Variants in ADAMTS16 observed in about 807,000 individuals in gnomAD.
ADAMTS16 encodes ADAM metallopeptidase with thrombospondin type 1 motif 16.
In ADAMTS16, 94 loss-of-function variants were observed where a neutral mutation model predicts 145.8. That is an observed-to-expected ratio of 0.64 (90% CI 0.55 to 0.77). The LOEUF is 0.77. Ranked by LOEUF, ADAMTS16 falls within the 30% of genes least tolerant of loss-of-function variation. The probability of loss-of-function intolerance (pLI) is 0.00; values close to 1 mark genes in which losing one functional copy is unlikely to be tolerated. For missense variants in ADAMTS16, 1,585 were observed against 1,591.5 expected, an observed-to-expected ratio of 1.00 and a Z score of 0.07; for synonymous variants, 659 against 604.3, an observed-to-expected ratio of 1.09 and a Z score of -1.33.
At chr5:5,229,700 T>C (rs1331122117) in intron 11 of ADAMTS16, among the ~76,000 whole-genome samples, 2 of 152,218 alleles carry the variant, frequency 1.3e-5, no homozygotes, top group African/African-American at 2.4e-5. Context: ...GACATTAGCA[T>C]ATTTTTCTTT....
At chr5:5,221,841 T>G (rs1328106764) in intron 10 of ADAMTS16, among the ~76,000 whole-genome samples, 4 of 152,360 alleles carry the variant, frequency 2.6e-5, no homozygotes, top group African/African-American at 9.6e-5. Flanking sequence ...TCTTCCCAGC[T>G]GCACTACGTC....
At position 5,232,502 on chromosome 5, in the gene ADAMTS16, C is replaced by T. The variant is rs768599908; in HGVS notation, c.1836C>T (p.Leu612=). Residue 612 remains leucine, a synonymous_variant, in exon 12 of 23, where the codon CTC becomes CTT. Coordinates refer to ENST00000274181, the MANE Select transcript of ADAMTS16 (RefSeq NM_139056.4). ...CGGGVSHRSR[L]CTNPKPSHGG... ...GGGGAGTATCTCATAGGAGTCGCCT[C>T]TGCACCAACCCCAAGTAAGTATGCC... 5.0e-6 allele frequency: 8 copies of T among 1,613,392 alleles called. No individual in the cohort carries two copies. In the East Asian group the frequency reaches 6.7e-5, roughly 13 times the overall value.
rs1445926170 is a variant in ADAMTS16 at position 5,232,464 on chromosome 5, A to G, written c.1798A>G (p.Arg600Gly). The change falls in exon 12 of 23, where the codon AGG becomes GGG. Residue 600 changes from arginine (R) to glycine (G), a missense_variant. Transcript: ENST00000274181. Reference protein sequence around the residue: ...SDWSSWSPCSRTCGGGVSHRS... With the variant: ...SDWSSWSPCSGTCGGGVSHRS... ...CTGGTCTTCTTGGTCCCCATGCTCC[A>G]GGACCTGCGGAGGGGGAGTATCTCA... 1 of 1,613,986 alleles carries G rather than the reference A, an allele frequency of 6.2e-7. No individual in the cohort carries two copies. Among genetic ancestry groups the G allele is most frequent in the African/African-American group, 1.3e-5 (1 of 74,892 alleles).
intron 3 of ADAMTS16, among the ~76,000 whole-genome samples, chr5:5,168,747 A>G (rs1475231620): frequency 7.2e-6 from 1 of 138,552 alleles, no homozygotes; most frequent in African/African-American, 2.7e-5. Context: ...TATAAAATAT[A>G]ATTATATAAT....
At chr5:5,261,173 C>G (rs1738001910) in intron 17 of ADAMTS16, among the ~76,000 whole-genome samples, 2 of 152,208 alleles carry the variant, frequency 1.3e-5, no homozygotes, top group Admixed American at 6.5e-5. Context: ...GGGTTTCCCT[C>G]TATCATACAG....
Position 5,233,530 on chromosome 5 carries a change from C to G in ADAMTS16, c.1850+1014C>G, listed in dbSNP as rs148296474. Reference sequence around the variant, plus strand: ...CAACAGGCCACAGTGTGTATTGTTTCCCTTTATATGTCCATGTGTTCTCAT... The same window carrying G: ...CAACAGGCCACAGTGTGTATTGTTTGCCTTTATATGTCCATGTGTTCTCAT... On this transcript the variant is annotated intron_variant, in intron 12 of 22. Transcript: ENST00000274181. 2.2e-3 allele frequency among the ~76,000 whole-genome samples: 337 copies of G among 152,228 alleles called. 1 individual carries two copies. The highest frequency in any genetic ancestry group is 3.6e-3 in the Non-Finnish European group (245 of 68,002).
intron 8 of ADAMTS16, among the ~76,000 whole-genome samples, chr5:5,194,282 A>G (rs748911719): frequency 2.6e-5 from 4 of 152,284 alleles, no homozygotes; most frequent in South Asian, 2.1e-4. Flanking sequence ...AATAGAAAAT[A>G]TATGTATCTA....
chr5:5,202,316 G>A (rs537837928), intron 9 of ADAMTS16, among the ~76,000 whole-genome samples: 34 of 152,198 alleles, frequency 2.2e-4, no homozygotes, highest in African/African-American at 7.7e-4. Flanking sequence ...CAGTTTGGAC[G>A]ATATGTGTAT....
chr5:5,198,884 A>G (rs1188499131), intron 8 of ADAMTS16, among the ~76,000 whole-genome samples: 13 of 152,162 alleles, frequency 8.5e-5, no homozygotes, highest in Admixed American at 8.5e-4. Context: ...ATAATGTCCC[A>G]CATAAATAGA....
chr5:5,275,024 A>T (rs765493998), intron 18 of ADAMTS16, among the ~76,000 whole-genome samples: 2 of 152,242 alleles, frequency 1.3e-5, no homozygotes, highest in Non-Finnish European at 2.9e-5. Flanking sequence ...TAGAATAGAT[A>T]GCTTGCATTA....
At chr5:5,226,968 G>T (rs999027993) in intron 11 of ADAMTS16, among the ~76,000 whole-genome samples, 1 of 152,054 alleles carries the variant, frequency 6.6e-6, no homozygotes, top group East Asian at 1.9e-4. Context: ...CTAGCTCTTC[G>T]GTCACTGGGG....
At chr5:5,161,975 G>A (rs1369302637) in intron 3 of ADAMTS16, among the ~76,000 whole-genome samples, 4 of 152,140 alleles carry the variant, frequency 2.6e-5, no homozygotes, top group African/African-American at 9.7e-5. Context: ...CAAAGCTTGG[G>A]AGAAAAACGT....
chr5:5,315,944 C>T (rs920518345), intron 21 of ADAMTS16, among the ~76,000 whole-genome samples: 5 of 152,154 alleles, frequency 3.3e-5, no homozygotes, highest in African/African-American at 1.2e-4. Flanking sequence ...AGCCATTCCT[C>T]ATCCAGAGGG....
intron 9 of ADAMTS16, among the ~76,000 whole-genome samples, chr5:5,205,006 T>C (rs1303378551): frequency 1.3e-5 from 2 of 152,200 alleles, no homozygotes; most frequent in African/African-American, 4.8e-5. Flanking sequence ...ATTGAATACA[T>C]TTTATATGTT....
At chr5:5,241,885 G>A (rs1277440674) in intron 16 of ADAMTS16, among the ~76,000 whole-genome samples, 168 bp from the exon 17 acceptor site, 1 of 152,142 alleles carries the variant, frequency 6.6e-6, no homozygotes, top group African/African-American at 2.4e-5. Flanking sequence ...CTAGATGGGA[G>A]GGTTCAGAAA....
intron 8 of ADAMTS16, among the ~76,000 whole-genome samples, chr5:5,199,827 G>T (rs1735907833): frequency 6.6e-6 from 1 of 152,192 alleles, no homozygotes; most frequent in African/African-American, 2.4e-5. Context: ...GCTACATAGA[G>T]CAGTGTTAGC....
chr5:5,309,827 C>CGTGTGTGTGTGTGT lies in ADAMTS16; in HGVS notation c.3411+3115_3411+3128dup, dbSNP rs35723690. ...GTTTAGGAGAGACAGGTCATGTCCT[C>CGTGTGTGTGTGTGT]GTGTGTGTGTGTGTGTGTGTGTGTG... On this transcript the variant is annotated intron_variant, in intron 21 of 22. Coordinates refer to ENST00000274181, the MANE Select transcript of ADAMTS16 (RefSeq NM_139056.4). 2.6e-3 allele frequency among the ~76,000 whole-genome samples: 384 copies of CGTGTGTGTGTGTGT among 146,970 alleles called. 2 individuals carry two copies. The highest frequency in any genetic ancestry group is 9.2e-3 in the African/African-American group (363 of 39,470).
At chr5:5,147,709 C>T (rs7704286) in intron 3 of ADAMTS16, among the ~76,000 whole-genome samples, 13,612 of 152,208 alleles carry the variant, frequency 0.089, 940 homozygotes, top group African/African-American at 0.19. Flanking sequence ...TCTTCCTTAA[C>T]GGACTAGAAC....
chr5:5,158,265 C>T (rs894068237), intron 3 of ADAMTS16, among the ~76,000 whole-genome samples: 4 of 152,126 alleles, frequency 2.6e-5, no homozygotes, highest in African/African-American at 9.7e-5. Flanking sequence ...GTTACGATTC[C>T]TACAGTACCA....
Sources: allele counts gnomAD v4.1 joint callset (sites outside exome capture counted in the v4.1 genomes callset), GRCh38; gene constraint gnomAD v4.1.1; transcripts MANE v1.5; gene names NCBI Gene and HGNC (gene_info 2026-07-23, HGNC 2026-07-21).